PDE10A: variants seen among roughly 807,000 people sequenced by gnomAD.
The protein encoded by PDE10A is phosphodiesterase 10A.
In PDE10A, 39 loss-of-function variants were observed where a neutral mutation model predicts 97.7. That is an observed-to-expected ratio of 0.40 (90% CI 0.31 to 0.52). PDE10A has a LOEUF of 0.52. PDE10A is among the 20% of genes least tolerant of loss of function. PDE10A has a pLI of 0.56. For synonymous variants in PDE10A, 371 were observed against 376.8 expected (o/e 0.98, Z 0.18); for missense variants, 731 against 1,047.8 (o/e 0.70, Z 4.17).
intron 1 of PDE10A, among the ~76,000 whole-genome samples, chr6:165,961,026 G>A (rs1433947318): frequency 6.6e-6 from 1 of 151,546 alleles, no homozygotes; most frequent in Non-Finnish European, 1.5e-5. Context: ...GCTGGGTCAG[G>A]CCATGTTCAG....
At chr6:165,987,799 A>C in exon 1 of PDE10A, 1 of 448,810 alleles carries the variant, frequency 2.2e-6, no homozygotes, top group Admixed American at 2.4e-5. Context: ...ATCTTCTCGC[A>C]AAAGGCGAGT....
chr6:165,479,817 G>C (rs981410979), intron 3 of PDE10A, among the ~76,000 whole-genome samples: 1 of 152,144 alleles, frequency 6.6e-6, no homozygotes, highest in Non-Finnish European at 1.5e-5. Flanking sequence ...GAAACAAAGA[G>C]AGGAAAGGAA....
intron 6 of PDE10A, among the ~76,000 whole-genome samples, chr6:165,434,711 G>T (rs1008072931): frequency 6.6e-6 from 1 of 152,182 alleles, no homozygotes; most frequent in Non-Finnish European, 1.5e-5. Context: ...CTGGAAGCGG[G>T]TGAGAGACAC....
intron 1 of PDE10A, among the ~76,000 whole-genome samples, chr6:165,810,540 G>T (rs909370024): frequency 6.6e-6 from 1 of 152,038 alleles, no homozygotes; most frequent in African/African-American, 2.4e-5. Context: ...ATAGACCTAC[G>T]CCATGTGCCA....
intron 13 of PDE10A, among the ~76,000 whole-genome samples, chr6:165,399,984 C>T (rs1036676732): frequency 3.3e-5 from 5 of 152,194 alleles, no homozygotes; most frequent in South Asian, 2.1e-4. Flanking sequence ...CATCAAGGGG[C>T]ACAAACGGAT....
chr6:165,333,525 C>T (rs1327151137), intron 21 of PDE10A, among the ~76,000 whole-genome samples: 3 of 152,176 alleles, frequency 2.0e-5, no homozygotes, highest in African/African-American at 7.2e-5. Flanking sequence ...CACGGACCTT[C>T]CTACTGAGAA....
At chr6:165,782,272 A>T (rs1162577519) in intron 1 of PDE10A, among the ~76,000 whole-genome samples, 1 of 152,244 alleles carries the variant, frequency 6.6e-6, no homozygotes, top group Non-Finnish European at 1.5e-5. Context: ...AATTTGATTT[A>T]TTGCTTCAGA....
Position 165,390,480 on chromosome 6 carries a change from T to C in PDE10A, c.2455-2027A>G, listed in dbSNP as rs1193603058. 2.6e-5 allele frequency among the ~76,000 whole-genome samples: 4 copies of C among 152,086 alleles called. No homozygotes were observed. The East Asian group carries it at 7.7e-4, about 29-fold the overall frequency. ...GAGAAGAGCGGCAGATCGGAGCATA[T>C]TCTAAGATGGAAGTAAAAAACTGCA... On this transcript the variant is annotated intron_variant, in intron 16 of 21. Transcript: ENST00000539869.
chr6:165,930,775 A>G lies in PDE10A; in HGVS notation c.-615+56754T>C, dbSNP rs1783106960. ...AAAATCCTGAGCACTTTAATTGCCCATGTTAACGAGGGCCGAGGCTGTGAG... is the reference window on the plus strand; with the variant it reads ...AAAATCCTGAGCACTTTAATTGCCCGTGTTAACGAGGGCCGAGGCTGTGAG... On this transcript the variant is annotated intron_variant, in intron 1 of 19. Transcript: ENST00000366882. 2.6e-5 allele frequency among the ~76,000 whole-genome samples: 4 copies of G among 152,210 alleles called. No individual in the cohort carries two copies. The South Asian group carries it at 8.3e-4, about 32-fold the overall frequency.
At chr6:165,958,765 G>GAAAGAAAGAAAGA (rs758615555) in intron 1 of PDE10A, among the ~76,000 whole-genome samples, 3 of 145,084 alleles carry the variant, frequency 2.1e-5, no homozygotes, top group South Asian at 4.4e-4. Flanking sequence ...AAGAAAGAAA[G>GAAAGAAAGAAAGA]AAGAAAGCAA....
At chr6:165,619,040 T>C (rs1281531313) in intron 1 of PDE10A, among the ~76,000 whole-genome samples, 2 of 151,560 alleles carry the variant, frequency 1.3e-5, no homozygotes, top group Non-Finnish European at 2.9e-5. Context: ...TAGTGTAGTG[T>C]AGTGTAGTCT....
At chr6:165,420,628 A>G (rs912081179) in intron 10 of PDE10A, among the ~76,000 whole-genome samples, 1 of 152,276 alleles carries the variant, frequency 6.6e-6, no homozygotes, top group African/African-American at 2.4e-5. Context: ...ATATTTTGGC[A>G]TAAATATGTT....
chr6:165,492,826 G>C (rs1246407860), intron 2 of PDE10A, among the ~76,000 whole-genome samples: 1 of 152,114 alleles, frequency 6.6e-6, no homozygotes, highest in African/African-American at 2.4e-5. Context: ...CATAGTACTG[G>C]AAGTCCTAGC....
At chr6:165,864,507 G>C (rs572508460) in intron 1 of PDE10A, among the ~76,000 whole-genome samples, 1 of 152,292 alleles carries the variant, frequency 6.6e-6, no homozygotes, top group African/African-American at 2.4e-5. Flanking sequence ...ATTAGTCAAA[G>C]ACCAAAGCAG....
At chr6:165,480,437 T>C (rs1038753244) in intron 3 of PDE10A, among the ~76,000 whole-genome samples, 2 of 151,820 alleles carry the variant, frequency 1.3e-5, no homozygotes, top group Non-Finnish European at 2.9e-5. Flanking sequence ...AAAAAAAAAA[T>C]TAGCTGGGCA....
chr6:165,613,224 T>C (rs956827820), intron 1 of PDE10A, among the ~76,000 whole-genome samples: 1 of 152,190 alleles, frequency 6.6e-6, no homozygotes, highest in Non-Finnish European at 1.5e-5. Flanking sequence ...TTGCATGTGT[T>C]CAGGTTTTTT....
At chr6:165,900,073 G>A (rs903897317) in intron 1 of PDE10A, among the ~76,000 whole-genome samples, 3 of 152,226 alleles carry the variant, frequency 2.0e-5, no homozygotes, top group African/African-American at 7.2e-5. Context: ...GTGCCCTGCA[G>A]CCCCTTGCCC....
chr6:165,777,747 A>G (rs912784689), intron 1 of PDE10A, among the ~76,000 whole-genome samples: 3 of 152,192 alleles, frequency 2.0e-5, no homozygotes, highest in African/African-American at 7.2e-5. Flanking sequence ...AACAATCTAC[A>G]TCTAACACAC....
chr6:165,773,322 T>G (rs1364388077), intron 1 of PDE10A: 1 of 152,212 alleles, frequency 6.6e-6, no homozygotes, highest in Non-Finnish European at 1.5e-5. Flanking sequence ...CCAATAACTA[T>G]TTTACTTCCA....
Sources: gnomAD v4.1 joint callset for allele counts (sites outside exome capture counted in the v4.1 genomes callset) on GRCh38, gnomAD v4.1.1 for gene constraint, MANE v1.5 for transcripts, NCBI Gene and HGNC (gene_info 2026-07-23, HGNC 2026-07-21) for gene names.